Variants in NAALADL2 observed in about 807,000 individuals in gnomAD.
NAALADL2 encodes the protein N-acetylated alpha-linked acidic dipeptidase like 2.
NAALADL2 carries 76 observed loss-of-function variants against 87.2 expected under a neutral mutation model. The ratio of observed to expected loss-of-function variants is 0.87; its 90% CI spans 0.72 to 1.05. The LOEUF (loss-of-function observed/expected upper bound fraction) is 1.05. NAALADL2 is among the 50% of genes least tolerant of loss of function. The pLI is 0.00. For missense variants in NAALADL2, 1,089 were observed against 945.8 expected (o/e 1.15, Z -1.99); for synonymous variants, 354 against 331.0 (o/e 1.07, Z -0.75).
intron 1 of NAALADL2, among the ~76,000 whole-genome samples, chr3:174,478,495 A>T (rs1285717422): frequency 6.6e-6 from 1 of 152,106 alleles, no homozygotes; most frequent in Non-Finnish European, 1.5e-5. Context: ...TAGAAATCAG[A>T]TTTAATTTTG....
At chr3:175,361,713 T>G (rs1207757693) in intron 5 of NAALADL2, among the ~76,000 whole-genome samples, 1 of 148,348 alleles carries the variant, frequency 6.7e-6, no homozygotes, top group Non-Finnish European at 1.5e-5. Context: ...TTGATGGGGT[T>G]GTTTGATTTT....
intron 1 of NAALADL2, among the ~76,000 whole-genome samples, chr3:174,984,258 G>A (rs1249646667): frequency 6.6e-6 from 1 of 152,114 alleles, no homozygotes; most frequent in Non-Finnish European, 1.5e-5. Context: ...TTTAATCATG[G>A]CAATTTACAT....
At chr3:175,588,079 C>T (rs1720799602) in intron 10 of NAALADL2, among the ~76,000 whole-genome samples, 1 of 144,816 alleles carries the variant, frequency 6.9e-6, no homozygotes, top group Non-Finnish European at 1.5e-5. Flanking sequence ...CTTTGAAAAA[C>T]CTTGGGGTAA....
rs76228058 is a variant in NAALADL2, at chr3:174,730,102, C to G, written c.-114-7539C>G. 3.5e-4 allele frequency among the ~76,000 whole-genome samples: 53 copies of G among 152,208 alleles called. No individual in the cohort carries two copies. The East Asian group carries it at 0.01, about 29-fold the overall frequency. ...ACCCTTAATTACATTCTGTAACCTTCTTAGCCTTTACTGACTCCTTGTTTC... is the reference window on the plus strand; with the variant it reads ...ACCCTTAATTACATTCTGTAACCTTGTTAGCCTTTACTGACTCCTTGTTTC... On this transcript the variant is annotated intron_variant, in intron 2 of 3. Coordinates refer to the NAALADL2 transcript ENST00000434257.
At chr3:175,374,025 T>C (rs1174232307) in intron 5 of NAALADL2, among the ~76,000 whole-genome samples, 2 of 152,154 alleles carry the variant, frequency 1.3e-5, no homozygotes, top group Non-Finnish European at 2.9e-5. Context: ...TTGAATTTTT[T>C]TATATATTTC....
intron 3 of NAALADL2, among the ~76,000 whole-genome samples, chr3:174,744,507 T>G (rs1734067055): frequency 5.3e-5 from 8 of 152,112 alleles, no homozygotes; most frequent in Admixed American, 5.2e-4. Context: ...GTGGGAGATT[T>G]TAACAGCCCA....
intron 1 of NAALADL2, among the ~76,000 whole-genome samples, chr3:174,447,296 T>C (rs1715129578): frequency 6.6e-6 from 1 of 152,154 alleles, no homozygotes. Flanking sequence ...GTCTGAATGA[T>C]TTGTAAATTA....
intron 5 of NAALADL2, among the ~76,000 whole-genome samples, chr3:175,378,355 T>A (rs75862362): frequency 6.6e-6 from 1 of 152,358 alleles, no homozygotes; most frequent in East Asian, 1.9e-4. Flanking sequence ...AGCTGTGGGC[T>A]GAGTAAACTA....
At position 174,689,151 on chromosome 3, in the gene NAALADL2, A is replaced by T. The variant is rs1433886018; in HGVS notation, c.-114-48490A>T. On this transcript the variant is annotated intron_variant, in intron 2 of 3. Transcript: ENST00000434257. ...ATAAGTATAATGTTTATTTTTTATT[A>T]ATTACGAACCTGTTTTATTTCTCTC... Among the ~76,000 whole-genome samples, 3 of 152,252 alleles carry T rather than the reference A, an allele frequency of 2.0e-5. No individual in the cohort carries two copies. In the East Asian group the frequency reaches 5.8e-4, roughly 29 times the overall value.
intron 1 of NAALADL2, among the ~76,000 whole-genome samples, chr3:175,012,367 C>T (rs1226841852): frequency 6.6e-6 from 1 of 151,864 alleles, no homozygotes; most frequent in Admixed American, 6.6e-5. Flanking sequence ...GGAGTTTCAC[C>T]GTGTTAGCCA....
chr3:175,097,083 T>A lies in NAALADL2; in HGVS notation c.337T>A (p.Ser113Thr). ...ESDYITHYTR[S>T]APKSNRCNFC... is the part of the protein sequence containing the mutation. ...TGACTACATTACCCATTATACACGA[T>A]CTGCACCAAAGAGCAATCGCTGCAA... Residue 113 changes from serine to threonine, a missense_variant, in exon 2 of 14, where the codon TCT becomes ACT. Ser to Thr is a moderately conservative substitution (Grantham distance 58). Transcript: ENST00000454872. 1.2e-6 allele frequency: 2 copies of A among 1,613,684 alleles called. No homozygotes were observed. The highest frequency in any genetic ancestry group is 8.5e-7 in the Non-Finnish European group (1 of 1,179,664).
chr3:175,098,911 G>C (rs1721644767), intron 2 of NAALADL2, among the ~76,000 whole-genome samples: 1 of 146,826 alleles, frequency 6.8e-6, no homozygotes. Flanking sequence ...TTTTTTCCCT[G>C]AGCATCTGGT....
intron 4 of NAALADL2, among the ~76,000 whole-genome samples, chr3:175,261,935 A>T (rs1581169810): frequency 1.3e-5 from 2 of 152,108 alleles, no homozygotes; most frequent in South Asian, 4.1e-4. Context: ...AAGAGCCTGG[A>T]GGAAAATGAG....
chr3:174,852,543 A>C (rs1579207331), intron 3 of NAALADL2, among the ~76,000 whole-genome samples: 1 of 152,144 alleles, frequency 6.6e-6, no homozygotes, highest in East Asian at 1.9e-4. Context: ...ACTATAAAAC[A>C]TTGATGAAAG....
chr3:174,902,590 G>A (rs528006494), intron 1 of NAALADL2, among the ~76,000 whole-genome samples: 2 of 152,172 alleles, frequency 1.3e-5, no homozygotes, highest in African/African-American at 2.4e-5. Context: ...TATTAATAGA[G>A]GTTAAATATC....
intron 1 of NAALADL2, among the ~76,000 whole-genome samples, chr3:174,895,236 C>A (rs1251735503): frequency 6.6e-6 from 1 of 150,956 alleles, no homozygotes; most frequent in African/African-American, 2.4e-5. Flanking sequence ...ATCAATGAAA[C>A]AAAGAGTTGG....
intron 3 of NAALADL2, among the ~76,000 whole-genome samples, chr3:174,763,491 G>A (rs1183850477): frequency 6.8e-6 from 1 of 146,020 alleles, no homozygotes; most frequent in East Asian, 2.1e-4. Context: ...GGAGGCTGAG[G>A]CAGGAGAATC....
intron 4 of NAALADL2, among the ~76,000 whole-genome samples, chr3:175,279,757 C>T (rs1295338534): frequency 6.7e-6 from 1 of 150,356 alleles, no homozygotes; most frequent in South Asian, 2.1e-4. Flanking sequence ...TTCCAACAAT[C>T]GCTGAATAAG....
At chr3:175,668,603 ATTAAGT>A (rs1733529973) in intron 11 of NAALADL2, among the ~76,000 whole-genome samples, 1 of 152,148 alleles carries the variant, frequency 6.6e-6, no homozygotes, top group Non-Finnish European at 1.5e-5. Flanking sequence ...GGTAGTTTAT[ATTAAGT>A]TTGTTTCTAT....
Sources: gnomAD v4.1 joint callset for allele counts (sites outside exome capture counted in the v4.1 genomes callset) on GRCh38, gnomAD v4.1.1 for gene constraint, MANE v1.5 for transcripts, NCBI Gene and HGNC (gene_info 2026-07-23, HGNC 2026-07-21) for gene names.